PPIL4: variants seen among roughly 807,000 people sequenced by gnomAD.
PPIL4 encodes the protein peptidylprolyl isomerase like 4, also known as peptidyl-prolyl cis-trans isomerase-like 4.
PPIL4 carries 50 observed loss-of-function variants against 69.1 expected under a neutral mutation model. The observed-to-expected ratio is 0.72, with a 90% CI of 0.58 to 0.92. The LOEUF (loss-of-function observed/expected upper bound fraction) is 0.92. PPIL4 is among the 40% of genes least tolerant of loss of function. The pLI is 0.00. For synonymous variants in PPIL4, 193 were observed against 191.6 expected (o/e 1.01, Z -0.06); for missense variants, 480 against 587.9 (o/e 0.82, Z 1.90).
At chr6:149,545,506 C>G (rs1390144200) in intron 1 of PPIL4, among the ~76,000 whole-genome samples, 1 of 152,200 alleles carries the variant, frequency 6.6e-6, no homozygotes, top group Non-Finnish European at 1.5e-5. Flanking sequence ...TATGCCCACA[C>G]TCGCTGCGCC....
At position 149,505,429 on chromosome 6, in the gene PPIL4, C is replaced by T. The variant is rs760173897; in HGVS notation, c.*24G>A. The stretch of plus-strand genomic sequence containing the variant: ...GTTAGACAAGAGTAAATATGTTAGC[C>T]TCTCAATTCTGCCTCTTCATCTTTC... On this transcript the variant is annotated 3_prime_UTR_variant, in exon 13 of 13. Transcript: ENST00000253329. 1.5e-5 allele frequency: 24 copies of T among 1,597,826 alleles called. No individual in the cohort carries two copies. In the East Asian group the frequency reaches 4.7e-4, roughly 31 times the overall value.
At chr6:149,540,106 C>A (rs1025130580) in intron 4 of PPIL4, among the ~76,000 whole-genome samples, 1 of 151,770 alleles carries the variant, frequency 6.6e-6, no homozygotes, top group Non-Finnish European at 1.5e-5. Context: ...TCCAGCCTGG[C>A]TGACAGAGCA....
intron 10 of PPIL4, among the ~76,000 whole-genome samples, chr6:149,518,978 G>T (rs940681714): frequency 2.0e-5 from 3 of 152,152 alleles, no homozygotes; most frequent in Admixed American, 1.3e-4. Context: ...TTATAAATGT[G>T]AATCAATAAC....
intron 12 of PPIL4, among the ~76,000 whole-genome samples, chr6:149,511,350 C>T (rs1304050122): frequency 6.6e-6 from 1 of 152,032 alleles, no homozygotes; most frequent in Non-Finnish European, 1.5e-5. Context: ...TCCTCTCAAG[C>T]TCCCAAGTAG....
At chr6:149,512,393 A>G (rs1401942377) in intron 11 of PPIL4, 91 bp from the exon 12 acceptor site, 4 of 881,824 alleles carry the variant, frequency 4.5e-6, no homozygotes, top group South Asian at 3.7e-5. Context: ...TCATAAGGCT[A>G]AAAGTAACTA....
chr6:149,531,707 T>C (rs549196050), intron 7 of PPIL4, among the ~76,000 whole-genome samples: 1 of 152,298 alleles, frequency 6.6e-6, no homozygotes, highest in South Asian at 2.1e-4. Flanking sequence ...TCTCGCCCTG[T>C]TGCCCAGGCC....
At chr6:149,538,796 C>T (rs1777317850) in intron 4 of PPIL4, among the ~76,000 whole-genome samples, 1 of 151,698 alleles carries the variant, frequency 6.6e-6, no homozygotes, top group Non-Finnish European at 1.5e-5. Flanking sequence ...ATGATCAAAC[C>T]TGACCAGATA....
intron 4 of PPIL4, among the ~76,000 whole-genome samples, chr6:149,538,728 T>C (rs1336507139): frequency 6.6e-6 from 1 of 152,200 alleles, no homozygotes; most frequent in Non-Finnish European, 1.5e-5. Flanking sequence ...TGGTGGAAAC[T>C]GCAAGAGAAC....
At chr6:149,516,394 A>C (rs1583205115) in intron 11 of PPIL4, among the ~76,000 whole-genome samples, 1 of 152,208 alleles carries the variant, frequency 6.6e-6, no homozygotes, top group Non-Finnish European at 1.5e-5. Context: ...CAATCAACAC[A>C]TCTTAAAACA....
At chr6:149,519,378 T>A (rs902787388) in intron 10 of PPIL4, among the ~76,000 whole-genome samples, 12 of 152,142 alleles carry the variant, frequency 7.9e-5, no homozygotes, top group African/African-American at 2.7e-4. Context: ...CCACCTGGCA[T>A]TACTACTGGC....
At chr6:149,534,016 C>T (rs909097848) in intron 6 of PPIL4, among the ~76,000 whole-genome samples, 7 of 151,914 alleles carry the variant, frequency 4.6e-5, no homozygotes, top group African/African-American at 9.7e-5. Context: ...ATTAGCTGGG[C>T]GTGGTGGCAT....
At chr6:149,520,539 TCA>T (rs1354545494) in intron 10 of PPIL4, among the ~76,000 whole-genome samples, 3 of 151,744 alleles carry the variant, frequency 2.0e-5, no homozygotes, top group Non-Finnish European at 4.4e-5. Context: ...TAATTTTTCA[TCA>T]GTTTAAAATA....
chr6:149,540,016 C>G (rs767512369), intron 4 of PPIL4, among the ~76,000 whole-genome samples: 5 of 152,116 alleles, frequency 3.3e-5, no homozygotes, highest in Non-Finnish European at 7.3e-5. Flanking sequence ...TGTAATCCCG[C>G]TACTCGGGAG....
At chr6:149,538,923 C>T (rs915157376) in intron 4 of PPIL4, among the ~76,000 whole-genome samples, 22 of 151,590 alleles carry the variant, frequency 1.5e-4, no homozygotes, top group Admixed American at 9.9e-4. Context: ...GTCGGCTCAC[C>T]GCAACCTCCA....
At chr6:149,542,532 A>G (rs916407923) in intron 1 of PPIL4, among the ~76,000 whole-genome samples, 1 of 152,216 alleles carries the variant, frequency 6.6e-6, no homozygotes, top group African/African-American at 2.4e-5. Flanking sequence ...AGTAAGATAT[A>G]TGAGGCAATC....
chr6:149,514,084 C>G lies in PPIL4; in HGVS notation c.1080-1782G>C, dbSNP rs149927379. Among the ~76,000 whole-genome samples, 466 of 152,360 alleles carry G rather than the reference C, an allele frequency of 3.1e-3. 3 individuals are homozygous for G. Among genetic ancestry groups the G allele is most frequent in the African/African-American group, 0.011 (451 of 41,578 alleles). On this transcript the variant is annotated intron_variant, in intron 11 of 12. Coordinates refer to ENST00000253329, the MANE Select transcript of PPIL4 (RefSeq NM_139126.4). ...AACTCAACACTTTCCACAGGAATGT[C>G]TCACTTCTACATAAGATCAAATGAA...
chr6:149,541,803 A>T (rs1484820432), intron 1 of PPIL4, among the ~76,000 whole-genome samples: 1 of 152,140 alleles, frequency 6.6e-6, no homozygotes, highest in Admixed American at 6.6e-5. Context: ...TGAAGTCAGG[A>T]GTTTGAGACC....
chr6:149,543,543 G>A (rs1282609904), intron 1 of PPIL4, among the ~76,000 whole-genome samples: 1 of 152,038 alleles, frequency 6.6e-6, no homozygotes, highest in African/African-American at 2.4e-5. Flanking sequence ...ATTATTGCTA[G>A]TTTTTTCAAA....
chr6:149,512,352 T>A, intron 11 of PPIL4, 50 bp from the exon 12 acceptor site: 1 of 1,430,078 alleles, frequency 7.0e-7, no homozygotes, highest in Non-Finnish European at 9.6e-7. Context: ...TGGTAAGACA[T>A]CAAAACTTAA....
Sources: allele counts gnomAD v4.1 joint callset (sites outside exome capture counted in the v4.1 genomes callset), GRCh38; gene constraint gnomAD v4.1.1; transcripts MANE v1.5; gene names NCBI Gene and HGNC (gene_info 2026-07-23, HGNC 2026-07-21).